The following ZNF71 variants were observed in gnomAD, a reference collection of about 807,000 sequenced individuals.
ZNF71 encodes endothelial zinc finger protein induced by tumor necrosis factor alpha.
Under a neutral mutation model 6.7 loss-of-function variants are expected in ZNF71, and 3 were observed. That is an observed-to-expected ratio of 0.45 (90% CI 0.20 to 1.16). The LOEUF is 1.16. ZNF71 is among the 50% of genes most tolerant of loss of function. ZNF71 has a pLI of 0.25. For synonymous variants in ZNF71, 343 were observed against 311.1 expected, an observed-to-expected ratio of 1.10 and a Z score of -1.08; for missense variants, 688 against 728.6, an observed-to-expected ratio of 0.94 and a Z score of 0.64.
intron 3 of ZNF71, among the ~76,000 whole-genome samples, chr19:56,619,917 C>T (rs1314332231): frequency 1.3e-5 from 2 of 152,104 alleles, no homozygotes; most frequent in Non-Finnish European, 2.9e-5. Flanking sequence ...GGCTAGAAAT[C>T]GAGGTTTAGA....
chr19:56,623,416 C>G lies in ZNF71; in HGVS notation c.*659C>G, dbSNP rs555479505. On this transcript the variant is annotated 3_prime_UTR_variant, in exon 4 of 4. Coordinates refer to ENST00000599599, the MANE Select transcript of ZNF71 (RefSeq NM_001370215.1). ...TCTGTTACGTTTTTTAAAAATAAAACTTTTAATTAAGGGAGACTATGTTAT... is the reference window on the plus strand; with the variant it reads ...TCTGTTACGTTTTTTAAAAATAAAAGTTTTAATTAAGGGAGACTATGTTAT... The G allele has an allele frequency of 2.0e-4, 34 of 167,098 alleles. No individual in the cohort carries two copies. Among genetic ancestry groups the G allele is most frequent in the Non-Finnish European group, 4.3e-4 (29 of 68,102 alleles). 10.4% of individuals were successfully genotyped at this position (167,098 alleles called of 1,614,324 possible). A position where few individuals can be genotyped will look rare whatever the true frequency, so the allele number is the denominator to read the frequency against.
At chr19:56,608,731 C>A (rs1345556854) in intron 2 of ZNF71, among the ~76,000 whole-genome samples, 1 of 152,184 alleles carries the variant, frequency 6.6e-6, no homozygotes, top group Non-Finnish European at 1.5e-5. Flanking sequence ...CACACACACA[C>A]ACATACACAT....
chr19:56,607,488 A>G (rs1394110354), intron 2 of ZNF71, among the ~76,000 whole-genome samples: 1 of 152,206 alleles, frequency 6.6e-6, no homozygotes. Context: ...GTGGTGGCCC[A>G]GGCAGACACA....
Position 56,622,156 on chromosome 19 carries a change from G to C in ZNF71, c.1049G>C (p.Arg350Pro). Residue 350 changes from arginine to proline, a missense_variant, in exon 4 of 4, where the codon CGC becomes CCC. By Grantham distance (103) the Arg-to-Pro change is moderately radical. Coordinates refer to ENST00000599599, the MANE Select transcript of ZNF71 (RefSeq NM_001370215.1). ...AACATGCACCTGACCGAGCACCAGC[G>C]CACGCACACCGGGGAGAAGCCGTAC... ...SQNMHLTEHQ[R>P]THTGEKPYAC... is the part of the protein sequence containing the mutation. The C allele has an allele frequency of 6.2e-7, 1 of 1,613,840 alleles. No homozygotes were observed. The highest frequency in any genetic ancestry group is 8.5e-7 in the Non-Finnish European group (1 of 1,179,864).
At position 56,622,841 on chromosome 19, in the gene ZNF71, T is replaced by C. The variant is rs2044875669; in HGVS notation, c.*84T>C. 6.6e-7 allele frequency: 1 copy of C among 1,512,172 alleles called. No individual in the cohort carries two copies. The highest frequency in any genetic ancestry group is 2.2e-5 in the Admixed American group (1 of 46,416). The allele number at this position is 1,512,172 out of a possible 1,614,324, so 93.7% of individuals were successfully genotyped here. A position where few individuals can be genotyped will look rare whatever the true frequency, so the allele number is the denominator to read the frequency against. Reference sequence around the variant, plus strand: ...GCTTTGTCAGCAGTGCTGTGAGAAGTTCTCCCCTGGGGTGGGGACTCGGGG... The same window carrying C: ...GCTTTGTCAGCAGTGCTGTGAGAAGCTCTCCCCTGGGGTGGGGACTCGGGG... On this transcript the variant is annotated 3_prime_UTR_variant, in exon 4 of 4. Coordinates refer to ENST00000599599, the MANE Select transcript of ZNF71 (RefSeq NM_001370215.1).
chr19:56,612,584 G>A (rs2044760054), intron 2 of ZNF71, among the ~76,000 whole-genome samples: 1 of 152,148 alleles, frequency 6.6e-6, no homozygotes, highest in African/African-American at 2.4e-5. Context: ...TGGATATACA[G>A]AGGCATACTG....
Position 56,622,758 on chromosome 19 carries a change from G to A in ZNF71, c.*1G>A, listed in dbSNP as rs373731127. ...GCGCCACCTGCGGATTCACACCTGA[G>A]CGCCTCTGTGCAGGGCTCTCACTGG... On this transcript the variant is annotated 3_prime_UTR_variant, in exon 4 of 4. Transcript: ENST00000599599. 67 of 1,591,864 alleles carry A rather than the reference G, an allele frequency of 4.2e-5. No individual in the cohort carries two copies. The African/African-American group carries it at 8.6e-4, about 20-fold the overall frequency.
chr19:56,595,849 G>T (rs1040325828), intron 1 of ZNF71, among the ~76,000 whole-genome samples: 5 of 132,014 alleles, frequency 3.8e-5, no homozygotes, highest in South Asian at 2.8e-4. Context: ...TTGTGTGTGT[G>T]TGTTTGTGTG....
At chr19:56,600,988 C>T (rs2044666698) in intron 1 of ZNF71, among the ~76,000 whole-genome samples, 1 of 152,278 alleles carries the variant, frequency 6.6e-6, no homozygotes, top group Middle Eastern at 3.4e-3. Flanking sequence ...TCTGGGGCAT[C>T]TCAGGGGGCC....
At position 56,611,815 on chromosome 19, in the gene ZNF71, T is replaced by A. The variant is rs115408617; in HGVS notation, c.34-1997T>A. Among the ~76,000 whole-genome samples, 1,104 of 152,318 alleles carry A rather than the reference T, an allele frequency of 7.2e-3. 11 individuals carry two copies. Among genetic ancestry groups the A allele is most frequent in the African/African-American group, 0.025 (1,043 of 41,574 alleles). Reference sequence around the variant, plus strand: ...AGGCTGGAAGTCCCTGATCAAAGTATCCACAGGACCACGCTCCCTCTGAAG... The same window carrying A: ...AGGCTGGAAGTCCCTGATCAAAGTAACCACAGGACCACGCTCCCTCTGAAG... On this transcript the variant is annotated intron_variant, in intron 2 of 3. Transcript: ENST00000599599.
At position 56,617,639 on chromosome 19, in the gene ZNF71, G is replaced by A. The variant is rs1056081961; in HGVS notation, c.161-3629G>A. On this transcript the variant is annotated intron_variant, in intron 3 of 3. Transcript: ENST00000599599. ...TGTCTCCCATGACAGTGGCCATGCC[G>A]TCAGACTTCCTGCTCTTTTGCTGAC... 5.3e-5 allele frequency among the ~76,000 whole-genome samples: 8 copies of A among 152,334 alleles called. No homozygotes were observed. The South Asian group carries it at 6.2e-4, about 12-fold the overall frequency.
chr19:56,595,839 T>TTG (rs1212585855), intron 1 of ZNF71, among the ~76,000 whole-genome samples: 2 of 108,232 alleles, frequency 1.8e-5, no homozygotes, highest in Non-Finnish European at 3.9e-5. Context: ...GATATTGTGA[T>TTG]TGTGTGTGTG....
intron 1 of ZNF71, among the ~76,000 whole-genome samples, chr19:56,601,055 G>C (rs1385264123): frequency 6.6e-6 from 1 of 152,170 alleles, no homozygotes; most frequent in Non-Finnish European, 1.5e-5. Flanking sequence ...GGAGAAGGCA[G>C]GGTGTCCGGT....
chr19:56,620,716 A>G (rs1190715809), intron 3 of ZNF71, among the ~76,000 whole-genome samples: 1 of 151,984 alleles, frequency 6.6e-6, no homozygotes. Flanking sequence ...AAAAAAATTT[A>G]GTAGAGGCGG....
At chr19:56,600,801 A>T (rs1349351164) in intron 1 of ZNF71, among the ~76,000 whole-genome samples, 1 of 152,114 alleles carries the variant, frequency 6.6e-6, no homozygotes, top group African/African-American at 2.4e-5. Flanking sequence ...TCCACTTGAG[A>T]CTTTATCCTG....
rs1455371176 is a variant in ZNF71, at chr19:56,603,852, T to C, written c.33+2261T>C. 1.3e-5 allele frequency among the ~76,000 whole-genome samples: 1 copy of C among 74,228 alleles called. No individual in the cohort carries two copies. The highest frequency in any genetic ancestry group is 2.7e-5 in the Non-Finnish European group (1 of 36,864). The allele number at this position is 74,228 out of a possible 152,430, so 48.7% of individuals were successfully genotyped here. ...TTTAAAAAAAATTGAGCCTGTCTGG[T>C]TTCAGCGTTTTCCCTGTGGTGAAAT... On this transcript the variant is annotated intron_variant, in intron 2 of 3. Coordinates refer to ENST00000599599, the MANE Select transcript of ZNF71 (RefSeq NM_001370215.1). This position sits in a 1 kb window ranked among gnomAD's most constrained non-coding sequence, Gnocchi z 4.6.
chr19:56,620,357 G>C (rs1301323688), intron 3 of ZNF71, among the ~76,000 whole-genome samples: 1 of 152,134 alleles, frequency 6.6e-6, no homozygotes, highest in Non-Finnish European at 1.5e-5. Context: ...TCCTGCCTTT[G>C]GCCAAACACA....
intron 2 of ZNF71, among the ~76,000 whole-genome samples, chr19:56,602,302 T>C (rs1278075560): frequency 6.6e-6 from 1 of 152,206 alleles, no homozygotes; most frequent in African/African-American, 2.4e-5. Context: ...TTGTGTCTTA[T>C]ATGATTTCTT....
chr19:56,616,292 G>A (rs1292116163), intron 3 of ZNF71, among the ~76,000 whole-genome samples: 1 of 152,196 alleles, frequency 6.6e-6, no homozygotes, highest in Non-Finnish European at 1.5e-5. Context: ...TTGTTGAAAA[G>A]ACCACTTTCT....
Sources: gnomAD v4.1 joint callset for allele counts (sites outside exome capture counted in the v4.1 genomes callset) on GRCh38, gnomAD v4.1.1 for gene constraint, Gnocchi (gnomAD v3.1) non-coding constraint, MANE v1.5 for transcripts, NCBI Gene and HGNC (gene_info 2026-07-23, HGNC 2026-07-21) for gene names.